Variants in PRKG1 observed in about 807,000 individuals in gnomAD.
PRKG1 encodes protein kinase cGMP-dependent 1.
Under a neutral mutation model 88.1 loss-of-function variants are expected in PRKG1, and 35 were observed. The ratio of observed to expected loss-of-function variants is 0.40; its 90% confidence interval spans 0.30 to 0.53. PRKG1 has a LOEUF of 0.53. PRKG1 is among the 20% of genes least tolerant of loss of function. The pLI is 0.59. For synonymous variants in PRKG1, 303 were observed against 292.5 expected (o/e 1.04, Z -0.37); for missense variants, 540 against 839.8 (o/e 0.64, Z 4.41).
chr10:51,163,035 C>T (rs1033259705), intron 2 of PRKG1, among the ~76,000 whole-genome samples: 2 of 152,014 alleles, frequency 1.3e-5, no homozygotes, highest in African/African-American at 4.8e-5. Flanking sequence ...GCTTTTAAAC[C>T]CGAATAGTAA....
chr10:52,110,111 G>A (rs560524173), intron 7 of PRKG1, among the ~76,000 whole-genome samples: 1 of 152,038 alleles, frequency 6.6e-6, no homozygotes, highest in East Asian at 1.9e-4. Context: ...CACTTTGGGA[G>A]GCCGAGGCGG....
chr10:51,802,140 A>G (rs1839189710), intron 3 of PRKG1, among the ~76,000 whole-genome samples: 1 of 152,182 alleles, frequency 6.6e-6, no homozygotes, highest in African/African-American at 2.4e-5. Context: ...GTTAAAAAGC[A>G]AGATGTTAAT....
At chr10:51,182,205 TG>T (rs1278398485) in intron 2 of PRKG1, among the ~76,000 whole-genome samples, 2 of 152,212 alleles carry the variant, frequency 1.3e-5, no homozygotes, top group Non-Finnish European at 2.9e-5. Context: ...GTTATGTTTT[TG>T]TGTGTGGTGT....
intron 3 of PRKG1, among the ~76,000 whole-genome samples, chr10:51,765,306 C>T (rs186386887): frequency 2.0e-5 from 3 of 152,328 alleles, no homozygotes; most frequent in African/African-American, 7.2e-5. Flanking sequence ...ACTTATTTTA[C>T]ACTTCTCTCT....
intron 2 of PRKG1, among the ~76,000 whole-genome samples, chr10:51,372,983 T>C (rs1842734749): frequency 6.6e-6 from 1 of 152,166 alleles, no homozygotes; most frequent in South Asian, 2.1e-4. Flanking sequence ...AGTTTACTGA[T>C]GTTTTCTTTT....
At chr10:52,017,116 G>A (rs1431113856) in intron 5 of PRKG1, among the ~76,000 whole-genome samples, 1 of 152,158 alleles carries the variant, frequency 6.6e-6, no homozygotes, top group Non-Finnish European at 1.5e-5. Context: ...AGATTAAAAT[G>A]TATTTTAAGA....
intron 1 of PRKG1, among the ~76,000 whole-genome samples, chr10:51,133,329 T>C (rs986835493): frequency 6.6e-6 from 1 of 152,188 alleles, no homozygotes; most frequent in Non-Finnish European, 1.5e-5. Flanking sequence ...GGGTACCTTT[T>C]CTCTCCTTTG....
At chr10:50,999,874 G>T (rs927788289) in intron 1 of PRKG1, among the ~76,000 whole-genome samples, 5 of 152,162 alleles carry the variant, frequency 3.3e-5, no homozygotes, top group African/African-American at 1.2e-4. Context: ...TAGAAACCAG[G>T]TCTGTTTACA....
chr10:51,868,252 C>T (rs951238798), intron 4 of PRKG1, among the ~76,000 whole-genome samples: 1 of 152,124 alleles, frequency 6.6e-6, no homozygotes, highest in African/African-American at 2.4e-5. Flanking sequence ...GTGAAAGTAG[C>T]AACCAGCATG....
At chr10:51,571,287 A>T (rs1444575715) in intron 3 of PRKG1, among the ~76,000 whole-genome samples, 1 of 151,954 alleles carries the variant, frequency 6.6e-6, no homozygotes, top group Non-Finnish European at 1.5e-5. Context: ...ATTGAAAACA[A>T]CACTGAATTA....
intron 2 of PRKG1, among the ~76,000 whole-genome samples, chr10:51,185,890 T>C (rs926427123): frequency 4.0e-5 from 6 of 151,820 alleles, no homozygotes; most frequent in African/African-American, 1.4e-4. Context: ...GTACACATTT[T>C]AAGTCATTTC....
chr10:51,686,656 C>A (rs1436767795), intron 3 of PRKG1, among the ~76,000 whole-genome samples: 1 of 152,178 alleles, frequency 6.6e-6, no homozygotes, highest in Admixed American at 6.5e-5. Flanking sequence ...GCAAACAAAG[C>A]CCCAATTAGG....
At chr10:51,071,366 T>G (rs1235376439), upstream of PRKG1, among the ~76,000 whole-genome samples, 1 of 152,180 alleles carries the variant, frequency 6.6e-6, no homozygotes, top group East Asian at 1.9e-4. Flanking sequence ...AATCCTGGAT[T>G]TTGCATATGA....
chr10:51,541,523 A>G (rs1468128553), intron 3 of PRKG1, among the ~76,000 whole-genome samples: 1 of 152,208 alleles, frequency 6.6e-6, no homozygotes, highest in Non-Finnish European at 1.5e-5. Context: ...CTGTGATTAC[A>G]ATTCAGAGGT....
intron 9 of PRKG1, among the ~76,000 whole-genome samples, chr10:52,222,094 A>G (rs1406282574): frequency 6.6e-6 from 1 of 152,084 alleles, no homozygotes; most frequent in African/African-American, 2.4e-5. Flanking sequence ...TGAGTGGGTA[A>G]GGAGGCCTTG....
intron 11 of PRKG1, among the ~76,000 whole-genome samples, chr10:52,271,771 C>T (rs1025928354): frequency 1.3e-5 from 2 of 152,214 alleles, no homozygotes; most frequent in African/African-American, 4.8e-5. Flanking sequence ...CCAAACTCTA[C>T]ATAGACCTTT....
At chr10:51,728,077 A>G (rs1475210091) in intron 3 of PRKG1, among the ~76,000 whole-genome samples, 3 of 152,182 alleles carry the variant, frequency 2.0e-5, no homozygotes, top group Non-Finnish European at 4.4e-5. Context: ...CAGAAGAAAA[A>G]AAAGGTCATG....
intron 2 of PRKG1, among the ~76,000 whole-genome samples, chr10:51,371,872 T>G (rs535123139): frequency 6.6e-6 from 1 of 152,248 alleles, no homozygotes; most frequent in East Asian, 1.9e-4. Flanking sequence ...GCTGCACAGG[T>G]GCCCTTCCGT....
chr10:51,684,117 A>G (rs1292015101), intron 3 of PRKG1, among the ~76,000 whole-genome samples: 2 of 152,226 alleles, frequency 1.3e-5, no homozygotes, highest in African/African-American at 4.8e-5. Flanking sequence ...AACAACACAA[A>G]TATCCATCAA....
Sources: allele counts gnomAD v4.1 joint callset (sites outside exome capture counted in the v4.1 genomes callset), GRCh38; gene constraint gnomAD v4.1.1; transcripts MANE v1.5; gene names NCBI Gene and HGNC (gene_info 2026-07-23, HGNC 2026-07-21).